Variants in SESN2 observed in about 807,000 individuals in gnomAD.
SESN2 encodes sestrin 2.
A neutral mutation model predicts 56.0 loss-of-function variants in SESN2; 42 were observed. The observed-to-expected ratio is 0.75, with a 90% CI of 0.59 to 0.97. The LOEUF is 0.97. Among genes scored for constraint, SESN2 ranks in the 50% least tolerant of loss-of-function variants. The pLI, the probability that SESN2 is intolerant of heterozygous loss-of-function variation, is 0.00. For missense variants in SESN2, 507 were observed against 649.4 expected (o/e 0.78, Z 2.38); for synonymous variants, 264 against 267.1 (o/e 0.99, Z 0.11).
intron 1 of SESN2, among the ~76,000 whole-genome samples, chr1:28,260,255 G>T (rs939711408): frequency 6.6e-6 from 1 of 151,884 alleles, no homozygotes; most frequent in African/African-American, 2.4e-5. Context: ...AAGCCTTCTG[G>T]AGGCTCTCCG....
intron 1 of SESN2, among the ~76,000 whole-genome samples, chr1:28,263,918 T>C (rs921928451): frequency 6.6e-6 from 1 of 151,968 alleles, no homozygotes; most frequent in Non-Finnish European, 1.5e-5. Flanking sequence ...AGTTAACATA[T>C]AGTAAGTGCT....
intron 8 of SESN2, among the ~76,000 whole-genome samples, chr1:28,275,962 A>G (rs570900233): frequency 6.6e-6 from 1 of 152,206 alleles, no homozygotes; most frequent in African/African-American, 2.4e-5. Context: ...CCTGAGCTAC[A>G]TGGTGAAACC....
chr1:28,265,266 CCT>C (rs1647516509), intron 1 of SESN2, among the ~76,000 whole-genome samples: 1 of 152,180 alleles, frequency 6.6e-6, no homozygotes, highest in South Asian at 2.1e-4. Context: ...CTGCCTGCTT[CCT>C]CTGTCAGGAT....
At chr1:28,279,996 C>T (rs946157782) in intron 9 of SESN2, among the ~76,000 whole-genome samples, 1 of 151,980 alleles carries the variant, frequency 6.6e-6, no homozygotes, top group Non-Finnish European at 1.5e-5. Flanking sequence ...GAGGTACACA[C>T]CACCTGATTT....
chr1:28,278,092 T>C (rs1443197875), intron 8 of SESN2, among the ~76,000 whole-genome samples: 3 of 152,224 alleles, frequency 2.0e-5, no homozygotes, highest in Non-Finnish European at 2.9e-5. Context: ...ATCAACTTGC[T>C]TTTTGGCTTT....
At chr1:28,272,235 A>G (rs372948424) in intron 3 of SESN2, 49 bp from the exon 4 acceptor site, 58 of 1,594,676 alleles carry the variant, frequency 3.6e-5, no homozygotes, top group Non-Finnish European at 4.9e-5. Flanking sequence ...ACCCTGAGCC[A>G]GGCACAAAAG....
Position 28,268,695 on chromosome 1 carries a change from AGAAG to A in SESN2, c.91-471_91-468del, listed in dbSNP as rs540690034. 2.8e-3 allele frequency among the ~76,000 whole-genome samples: 427 copies of A among 150,860 alleles called. 1 individual carries two copies. The highest frequency in any genetic ancestry group is 8.8e-3 in the African/African-American group (364 of 41,150). On this transcript the variant is annotated intron_variant, in intron 1 of 9. Coordinates refer to ENST00000253063, the MANE Select transcript of SESN2 (RefSeq NM_031459.5). ...AAAAAAAGAAGCAAAAGAAGGAAGG[AGAAG>A]GAAGGAAGGAAGGAAGAAGGAGGAG...
intron 2 of SESN2, among the ~76,000 whole-genome samples, chr1:28,269,961 A>G (rs1350678151): frequency 1.3e-5 from 2 of 152,210 alleles, no homozygotes; most frequent in African/African-American, 4.8e-5. Context: ...TGGAGCTTAC[A>G]TTCTAGTGTG....
In SESN2 at chr1:28,274,370, A is replaced by G. The variant is rs111686354; in HGVS notation, c.1020+212A>G. The stretch of plus-strand genomic sequence containing the variant: ...AACATGGCGAAACCCTGTCTCTACA[A>G]AAACATTTAAAAAATTAACTGGAAG... On this transcript the variant is annotated intron_variant, in intron 7 of 9. Coordinates refer to ENST00000253063, the MANE Select transcript of SESN2 (RefSeq NM_031459.5). Among the ~76,000 whole-genome samples the G allele has an allele frequency of 9.1e-4, 139 of 152,320 alleles. 1 individual carries two copies. The Middle Eastern group carries it at 0.01, about 11-fold the overall frequency.
intron 7 of SESN2, among the ~76,000 whole-genome samples, chr1:28,274,473 G>A (rs1421579561): frequency 6.6e-6 from 1 of 152,134 alleles, no homozygotes; most frequent in Admixed American, 6.5e-5. Context: ...CAAGGCTGCA[G>A]TGAGCTGTGA....
rs1647984629 is a variant in SESN2, at chr1:28,275,106, C to A, written c.1211+91C>A. On this transcript the variant is annotated intron_variant, in intron 8 of 9. Coordinates refer to ENST00000253063, the MANE Select transcript of SESN2 (RefSeq NM_031459.5). Reference sequence around the variant, plus strand: ...GTTTCCATTTTCTTTTTGTTTTTTTCTTTTCCTTTCTTCTTGCCTATACTG... The same window carrying A: ...GTTTCCATTTTCTTTTTGTTTTTTTATTTTCCTTTCTTCTTGCCTATACTG... 4.3e-6 allele frequency: 4 copies of A among 929,542 alleles called. No homozygotes were observed. The Admixed American group carries it at 9.2e-5, about 21-fold the overall frequency. 57.6% of individuals were successfully genotyped at this position (929,542 alleles called of 1,614,324 possible).
Position 28,269,178 on chromosome 1 carries a change from C to T in SESN2, c.91-5C>T, listed in dbSNP as rs753449615. 6.2e-7 allele frequency: 1 copy of T among 1,611,148 alleles called. No individual in the cohort carries two copies. The highest frequency in any genetic ancestry group is 8.5e-7 in the Non-Finnish European group (1 of 1,178,074). On this transcript the variant is annotated splice_region_variant and splice_polypyrimidine_tract_variant and intron_variant, in intron 1 of 9. Transcript: ENST00000253063. The stretch of plus-strand genomic sequence containing the variant: ...TACGGACTAACCTCATATGTTTCCT[C>T]CCAGGAGCAGAGGGAGAGCCGGGCT...
In SESN2 at chr1:28,279,172, C is replaced by T. The variant is rs1198308723; in HGVS notation, c.1287C>T (p.Ala429=). Residue 429 remains alanine, a synonymous_variant, in exon 9 of 10, where the codon GCC becomes GCT. Coordinates refer to ENST00000253063, the MANE Select transcript of SESN2 (RefSeq NM_031459.5). ...TCAAGGTCTATATCAAGACAGTGGC[C>T]TGCTACCCAGAGAAGACCACCCGAA... ...RNLKVYIKTV[A]CYPEKTTRRM... is the part of the protein sequence containing the mutation. 8.7e-6 allele frequency: 14 copies of T among 1,614,040 alleles called. No homozygotes were observed. The highest frequency in any genetic ancestry group is 1.2e-5 in the Non-Finnish European group (14 of 1,180,028).
chr1:28,274,686 C>A (rs1283805846), intron 7 of SESN2, 139 bp from the exon 8 acceptor site: 11 of 705,696 alleles, frequency 1.6e-5, no homozygotes, highest in Non-Finnish European at 2.7e-5. Flanking sequence ...TCCTTGACCT[C>A]TCAGGCCCAG....
At chr1:28,273,023 C>T (rs568842021) in intron 5 of SESN2, among the ~76,000 whole-genome samples, 1 of 152,300 alleles carries the variant, frequency 6.6e-6, no homozygotes, top group African/African-American at 2.4e-5. Flanking sequence ...GTGACTGACA[C>T]TGTGTATATG....
intron 2 of SESN2, among the ~76,000 whole-genome samples, chr1:28,270,089 C>T (rs1028944003): frequency 2.6e-5 from 4 of 152,224 alleles, no homozygotes; most frequent in African/African-American, 4.8e-5. Context: ...CAGTGGCTCA[C>T]GCCTGTAATC....
In SESN2 at chr1:28,274,812, C is replaced by T; in HGVS notation, c.1021-13C>T. ...GCTCCAAAGACTCACCAATCCCTTC[C>T]CACCTACCTAAGGATTATACCTGGG... On this transcript the variant is annotated splice_polypyrimidine_tract_variant and intron_variant, in intron 7 of 9. Coordinates refer to ENST00000253063, the MANE Select transcript of SESN2 (RefSeq NM_031459.5). The T allele has an allele frequency of 6.2e-7, 1 of 1,600,782 alleles. No individual in the cohort carries two copies. Among genetic ancestry groups the T allele is most frequent in the Non-Finnish European group, 8.5e-7 (1 of 1,170,610 alleles).
intron 6 of SESN2, 149 bp downstream of exon 6, chr1:28,273,657 G>T (rs1351660646): frequency 4.3e-5 from 33 of 762,318 alleles, no homozygotes; most frequent in Non-Finnish European, 5.5e-5. Flanking sequence ...CTCAGACCTG[G>T]CTTTGAATCC....
At position 28,282,109 on chromosome 1, in the gene SESN2, T is replaced by C. The variant is rs1394572012; in HGVS notation, c.*1307T>C. ...AGGCACTTTCTGTAGCAAATGACTG[T>C]GAATTACGACTTCTCTTGCCCTTCT... On this transcript the variant is annotated 3_prime_UTR_variant, in exon 10 of 10. Coordinates refer to ENST00000253063, the MANE Select transcript of SESN2 (RefSeq NM_031459.5). 2 of 152,244 alleles carry C rather than the reference T, an allele frequency of 1.3e-5. No individual in the cohort carries two copies. 9.4% of individuals were successfully genotyped at this position (152,244 alleles called of 1,614,324 possible).
Sources: gnomAD v4.1 joint callset for allele counts (sites outside exome capture counted in the v4.1 genomes callset) on GRCh38, gnomAD v4.1.1 for gene constraint, MANE v1.5 for transcripts, NCBI Gene and HGNC (gene_info 2026-07-23, HGNC 2026-07-21) for gene names.